The following PCDH7 variants were observed in gnomAD, a reference collection of about 807,000 sequenced individuals.
The protein encoded by PCDH7 is protocadherin-7.
In PCDH7, 17 loss-of-function variants were observed where a neutral mutation model predicts 58.9. That is an observed-to-expected ratio of 0.29 (90% CI 0.20 to 0.43). The LOEUF is 0.43. Ranked by LOEUF, PCDH7 falls within the 20% of genes least tolerant of loss-of-function variation. PCDH7 has a pLI of 1.00. For synonymous variants in PCDH7, 664 were observed against 616.4 expected, an observed-to-expected ratio of 1.08 and a Z score of -1.14; for missense variants, 1,274 against 1,441.0, an observed-to-expected ratio of 0.88 and a Z score of 1.88.
chr4:30,919,932 C>G (rs1306097425), intron 1 of PCDH7, among the ~76,000 whole-genome samples: 1 of 152,060 alleles, frequency 6.6e-6, no homozygotes, highest in Non-Finnish European at 1.5e-5. Flanking sequence ...TTTTTTATCT[C>G]TGTTTCTGAA....
chr4:30,902,867 T>G (rs1031227834), intron 1 of PCDH7, among the ~76,000 whole-genome samples: 1 of 152,168 alleles, frequency 6.6e-6, no homozygotes, highest in African/African-American at 2.4e-5. Context: ...TGTTTTGCCC[T>G]CCTGTTTAAA....
Position 30,779,468 on chromosome 4 carries a change from C to T in PCDH7, c.70+54872C>T, listed in dbSNP as rs1383930108. On this transcript the variant is annotated intron_variant, in intron 1 of 3. Transcript: ENST00000509759. ...ACAAAAAGTCTTTCTGAAAACATTT[C>T]TAGAACTTTCTAATGGTCAGAAAGC... is the stretch of plus-strand genomic sequence containing the variant. 2.0e-5 allele frequency among the ~76,000 whole-genome samples: 3 copies of T among 152,138 alleles called. No individual in the cohort carries two copies. In the East Asian group the frequency reaches 5.8e-4, roughly 29 times the overall value.
intron 1 of PCDH7, among the ~76,000 whole-genome samples, chr4:30,772,249 A>G (rs1487510666): frequency 6.6e-6 from 1 of 152,206 alleles, no homozygotes; most frequent in African/African-American, 2.4e-5. Context: ...TGCCAACACT[A>G]AAATGAATGT....
intron 3 of PCDH7, among the ~76,000 whole-genome samples, chr4:31,046,930 T>A (rs556953551): frequency 4.6e-5 from 7 of 152,050 alleles, no homozygotes; most frequent in Admixed American, 4.6e-4. Flanking sequence ...AAAGAGGGAT[T>A]GTTTATTTAA....
At chr4:31,097,618 A>G (rs1435014658) in intron 3 of PCDH7, among the ~76,000 whole-genome samples, 2 of 37,606 alleles carry the variant, frequency 5.3e-5, no homozygotes, top group African/African-American at 4.8e-4. Flanking sequence ...ATATATATAT[A>G]TATATATATA....
intron 1 of PCDH7, among the ~76,000 whole-genome samples, chr4:30,764,053 TCTTAA>T (rs909190872): frequency 1.3e-5 from 2 of 152,220 alleles, no homozygotes; most frequent in African/African-American, 4.8e-5. Flanking sequence ...ACTTTCCTAC[TCTTAA>T]CTTTGTTAAA....
At chr4:30,917,888 C>T (rs1010319340) in intron 1 of PCDH7, among the ~76,000 whole-genome samples, 2 of 152,116 alleles carry the variant, frequency 1.3e-5, no homozygotes, top group Non-Finnish European at 2.9e-5. Flanking sequence ...TTATTCCAAA[C>T]TTCACCCAAA....
chr4:30,937,415 G>C (rs1412259552), intron 2 of PCDH7, among the ~76,000 whole-genome samples: 1 of 151,688 alleles, frequency 6.6e-6, no homozygotes, highest in African/African-American at 2.4e-5. Flanking sequence ...TTTGAGTCTT[G>C]GTCACAAATA....
At chr4:30,777,105 G>A (rs1452089317) in intron 1 of PCDH7, among the ~76,000 whole-genome samples, 1 of 152,032 alleles carries the variant, frequency 6.6e-6, no homozygotes, top group Non-Finnish European at 1.5e-5. Context: ...AAAGACCAGG[G>A]TGAGACTTCC....
At chr4:30,842,452 A>G (rs1731339358) in intron 1 of PCDH7, among the ~76,000 whole-genome samples, 1 of 152,146 alleles carries the variant, frequency 6.6e-6, no homozygotes. Context: ...CTGGATTAGT[A>G]TCTGTCTTCT....
rs368664200 is a variant in PCDH7 at position 30,721,846 on chromosome 4, A to G, written c.424A>G (p.Thr142Ala). The change falls in exon 1 of 2, where the codon ACC (threonine) becomes GCC (alanine). Residue 142 changes from threonine (T) to alanine (A), a missense_variant. Transcript: ENST00000361762. This position sits in a 1 kb window ranked among gnomAD's most constrained non-coding sequence, Gnocchi z 6.7. ...GCTTGACATCAACGACAACACGCCC[A>G]CCTTCCCGTCGCCCGTGCTCACGCT... The G allele has an allele frequency of 1.4e-4, 226 of 1,608,056 alleles. No individual in the cohort carries two copies. The highest frequency in any genetic ancestry group is 1.2e-3 in the African/African-American group (91 of 74,838).
chr4:30,784,712 C>A (rs1349411790), intron 1 of PCDH7, among the ~76,000 whole-genome samples: 1 of 151,386 alleles, frequency 6.6e-6, no homozygotes, highest in African/African-American at 2.4e-5. Context: ...AAGAGAAATA[C>A]TATTATAGGA....
intron 3 of PCDH7, among the ~76,000 whole-genome samples, chr4:31,014,190 C>A (rs1350470121): frequency 6.6e-6 from 1 of 151,450 alleles, no homozygotes; most frequent in Non-Finnish European, 1.5e-5. Flanking sequence ...CAAAAATCTA[C>A]CCAGAGGGGT....
chr4:30,956,669 G>A (rs1747892098), intron 3 of PCDH7, among the ~76,000 whole-genome samples: 1 of 152,170 alleles, frequency 6.6e-6, no homozygotes, highest in African/African-American at 2.4e-5. Context: ...TTACCTGGAA[G>A]GGATTATGAA....
chr4:30,756,080 AAACC>A (rs1302769160), intron 1 of PCDH7, among the ~76,000 whole-genome samples: 1 of 152,126 alleles, frequency 6.6e-6, no homozygotes, highest in Non-Finnish European at 1.5e-5. Flanking sequence ...TCAGTCTCAA[AAACC>A]AACCAACCAA....
At chr4:30,896,532 G>T (rs1321882054) in intron 1 of PCDH7, among the ~76,000 whole-genome samples, 1 of 151,928 alleles carries the variant, frequency 6.6e-6, no homozygotes, top group Non-Finnish European at 1.5e-5. Flanking sequence ...AACAAGAAAT[G>T]ATTTATAACC....
chr4:30,848,874 G>T (rs1329586527), intron 1 of PCDH7, among the ~76,000 whole-genome samples: 1 of 151,984 alleles, frequency 6.6e-6, no homozygotes, highest in African/African-American at 2.4e-5. Flanking sequence ...CCCTGACGGT[G>T]GGGCTTTGGA....
chr4:31,038,919 C>T (rs956812668), intron 3 of PCDH7, among the ~76,000 whole-genome samples: 1 of 152,072 alleles, frequency 6.6e-6, no homozygotes, highest in Non-Finnish European at 1.5e-5. Flanking sequence ...TACTTTAAGT[C>T]GAAGACTCCT....
intron 3 of PCDH7, among the ~76,000 whole-genome samples, chr4:31,095,920 A>T (rs1713912396): frequency 6.6e-6 from 1 of 152,184 alleles, no homozygotes; most frequent in Non-Finnish European, 1.5e-5. Context: ...TTTAAGCAGG[A>T]TATTATAAAT....
Sources: allele counts gnomAD v4.1 joint callset (sites outside exome capture counted in the v4.1 genomes callset), GRCh38; gene constraint gnomAD v4.1.1; non-coding constraint Gnocchi (gnomAD v3.1); transcripts MANE v1.5; gene names NCBI Gene and HGNC (gene_info 2026-07-23, HGNC 2026-07-21).